Variants in THSD4 observed in about 807,000 individuals in gnomAD.
The protein encoded by THSD4 is thrombospondin type 1 domain containing 4.
Under a neutral mutation model 119.0 loss-of-function variants are expected in THSD4, and 69 were observed. That is an observed-to-expected ratio of 0.58 (90% CI 0.48 to 0.71). The LOEUF (loss-of-function observed/expected upper bound fraction) is 0.71. Among genes scored for constraint, THSD4 ranks in the 30% least tolerant of loss-of-function variants. The pLI is 0.00. For missense variants in THSD4, 1,393 were observed against 1,391.1 expected (o/e 1.00, Z -0.02); for synonymous variants, 524 against 540.4 (o/e 0.97, Z 0.42).
At chr15:71,404,869 CCTTTCTTTT>C (rs1186455764) in intron 6 of THSD4, among the ~76,000 whole-genome samples, 1 of 145,404 alleles carries the variant, frequency 6.9e-6, no homozygotes, top group African/African-American at 2.6e-5. Flanking sequence ...TCTTTTCTTT[CCTTTCTTTT>C]CTTTCTTTCT....
intron 1 of THSD4, among the ~76,000 whole-genome samples, chr15:71,123,932 A>C (rs2040431200): frequency 6.6e-6 from 1 of 152,148 alleles, no homozygotes. Flanking sequence ...GTTGCTTCTC[A>C]TATGGTCGCA....
chr15:71,206,443 A>T (rs2043844637), intron 3 of THSD4, among the ~76,000 whole-genome samples: 1 of 152,210 alleles, frequency 6.6e-6, no homozygotes, highest in Admixed American at 6.5e-5. Flanking sequence ...CTTTGTTCTC[A>T]GGGCTCAAAC....
intron 7 of THSD4, among the ~76,000 whole-genome samples, chr15:71,440,610 G>T (rs2140554571): frequency 6.6e-6 from 1 of 152,268 alleles, no homozygotes; most frequent in South Asian, 2.1e-4. Context: ...TATAGCACAA[G>T]TAAACGTGAG....
intron 6 of THSD4, among the ~76,000 whole-genome samples, chr15:71,338,107 C>T (rs2045512029): frequency 6.6e-6 from 1 of 152,170 alleles, no homozygotes; most frequent in South Asian, 2.1e-4. Context: ...TTATTTTTCT[C>T]TAAGAACTGG....
intron 8 of THSD4, among the ~76,000 whole-genome samples, chr15:71,724,266 G>GATATATATAT (rs144736427): frequency 2.0e-4 from 15 of 74,578 alleles, no homozygotes; most frequent in African/African-American, 3.0e-4. Context: ...TCTATGATGG[G>GATATATATAT]ATATATATAT....
intron 4 of THSD4, among the ~76,000 whole-genome samples, chr15:71,237,108 G>C (rs2044111994): frequency 6.6e-6 from 1 of 152,140 alleles, no homozygotes; most frequent in Non-Finnish European, 1.5e-5. Flanking sequence ...GATGCAGCAG[G>C]AGCCAGGCTG....
chr15:71,182,656 C>T lies in THSD4; in HGVS notation c.99+27724C>T, dbSNP rs75687520. Among the ~76,000 whole-genome samples the T allele has an allele frequency of 0.01, 1,583 of 151,904 alleles. 182 individuals are homozygous for T. The East Asian group carries it at 0.26, about 25-fold the overall frequency. On this transcript the variant is annotated intron_variant, in intron 3 of 17. Transcript: ENST00000261862. ...TTTTGACAGACAGAATAACTTATCACTTAGGCCACAAATCTTAGTCTTTGG... is the reference window on the plus strand; with the variant it reads ...TTTTGACAGACAGAATAACTTATCATTTAGGCCACAAATCTTAGTCTTTGG...
At chr15:71,348,028 C>T (rs934821184) in intron 6 of THSD4, 3 of 152,158 alleles carry the variant, frequency 2.0e-5, no homozygotes, top group Non-Finnish European at 2.9e-5. Context: ...ACATGATCTG[C>T]AAAGGGAACA....
At chr15:71,424,322 T>C (rs2046843295) in intron 7 of THSD4, among the ~76,000 whole-genome samples, 2 of 152,142 alleles carry the variant, frequency 1.3e-5, no homozygotes, top group African/African-American at 4.8e-5. Context: ...ATGTCCTAGG[T>C]CTACCTTGGG....
At chr15:71,554,347 G>A (rs112882782) in intron 7 of THSD4, among the ~76,000 whole-genome samples, 6 of 151,042 alleles carry the variant, frequency 4.0e-5, no homozygotes, top group African/African-American at 1.5e-4. Flanking sequence ...TGCCCGCCTC[G>A]GCCTCCCAAA....
chr15:71,141,341 T>C, intron 1 of THSD4, 108 bp from the exon 2 acceptor site: 1 of 596,460 alleles, frequency 1.7e-6, no homozygotes, highest in Admixed American at 3.4e-5. Context: ...CTGGGCACTT[T>C]TGTTTTAGTA....
At chr15:71,487,262 A>T (rs1039353523) in intron 7 of THSD4, among the ~76,000 whole-genome samples, 2 of 152,168 alleles carry the variant, frequency 1.3e-5, no homozygotes, top group Non-Finnish European at 2.9e-5. Context: ...CTCTGTTTGG[A>T]GATGGAAGGT....
chr15:71,291,759 C>G (rs1433987536), intron 6 of THSD4, among the ~76,000 whole-genome samples: 1 of 152,212 alleles, frequency 6.6e-6, no homozygotes, highest in Non-Finnish European at 1.5e-5. Flanking sequence ...AAATTAATCA[C>G]TGCAATATCT....
intron 6 of THSD4, among the ~76,000 whole-genome samples, chr15:71,388,737 T>C (rs1474963030): frequency 6.6e-6 from 1 of 151,718 alleles, no homozygotes; most frequent in East Asian, 1.9e-4. Context: ...CTCAGGCATA[T>C]TGAGTCCTTT....
At chr15:71,501,751 A>G (rs538391831) in intron 7 of THSD4, among the ~76,000 whole-genome samples, 25 of 152,376 alleles carry the variant, frequency 1.6e-4, no homozygotes, top group South Asian at 1.4e-3. Flanking sequence ...GTGATCCATC[A>G]TGACCTCTCA....
At chr15:71,442,979 AT>A (rs1206715726) in intron 7 of THSD4, among the ~76,000 whole-genome samples, 1 of 151,834 alleles carries the variant, frequency 6.6e-6, no homozygotes, top group Non-Finnish European at 1.5e-5. Context: ...CCGATAAACC[AT>A]GAGCCCCTTG....
At chr15:71,344,778 C>T (rs1032840677) in intron 6 of THSD4, among the ~76,000 whole-genome samples, 2 of 152,144 alleles carry the variant, frequency 1.3e-5, no homozygotes, top group Non-Finnish European at 2.9e-5. Context: ...CCTACTTCCA[C>T]GGATGTACAA....
chr15:71,513,619 G>A (rs1309442120), intron 7 of THSD4, among the ~76,000 whole-genome samples: 1 of 152,172 alleles, frequency 6.6e-6, no homozygotes, highest in Non-Finnish European at 1.5e-5. Context: ...CTCACACATT[G>A]CTGATGGGCG....
At chr15:71,266,722 T>C (rs1265887073) in intron 6 of THSD4, among the ~76,000 whole-genome samples, 1 of 151,906 alleles carries the variant, frequency 6.6e-6, no homozygotes, top group East Asian at 1.9e-4. Context: ...GAAAAAAGGT[T>C]AGAGGAATTG....
Sources: allele counts gnomAD v4.1 joint callset (sites outside exome capture counted in the v4.1 genomes callset), GRCh38; gene constraint gnomAD v4.1.1; transcripts MANE v1.5; gene names NCBI Gene and HGNC (gene_info 2026-07-23, HGNC 2026-07-21).